OCA2: variants seen among roughly 807,000 people sequenced by gnomAD.
The protein encoded by OCA2 is P protein.
In OCA2, 77 loss-of-function variants were observed where a neutral mutation model predicts 100.2. That is an observed-to-expected ratio of 0.77 (90% CI 0.64 to 0.93). The LOEUF (loss-of-function observed/expected upper bound fraction) is 0.93. OCA2 is among the 40% of genes least tolerant of loss of function. The pLI, the probability that OCA2 is intolerant of heterozygous loss-of-function variation, is 0.00. For missense variants in OCA2, 1,062 were observed against 1,089.1 expected (o/e 0.98, Z 0.35); for synonymous variants, 432 against 439.2 (o/e 0.98, Z 0.21).
intron 2 of OCA2, among the ~76,000 whole-genome samples, chr15:28,036,210 G>C (rs1371136206): frequency 2.0e-5 from 3 of 152,150 alleles, no homozygotes; most frequent in African/African-American, 4.8e-5. Flanking sequence ...GGGGATTTCT[G>C]GTTTTTCACC....
chr15:28,092,946 G>A (rs2044895305), intron 1 of OCA2, among the ~76,000 whole-genome samples: 1 of 151,902 alleles, frequency 6.6e-6, no homozygotes, highest in African/African-American at 2.4e-5. Flanking sequence ...GACAAGGCAA[G>A]AATGTTCCCT....
chr15:28,060,438 A>C (rs2043838254), intron 2 of OCA2, among the ~76,000 whole-genome samples: 1 of 152,190 alleles, frequency 6.6e-6, no homozygotes, highest in Non-Finnish European at 1.5e-5. Context: ...ATCTTCTTGC[A>C]CCCTTGTGGG....
the OCA2 span, among the ~76,000 whole-genome samples, chr15:27,736,696 A>C: frequency 3.3e-5 from 5 of 152,210 alleles, no homozygotes; most frequent in Non-Finnish European, 7.3e-5. Context: ...AAACAGAGTC[A>C]AGTTCCCACC....
chr15:27,992,485 C>T (rs772423030), intron 9 of OCA2, among the ~76,000 whole-genome samples: 20 of 152,242 alleles, frequency 1.3e-4, no homozygotes, highest in Non-Finnish European at 2.8e-4. Flanking sequence ...TCATCCCCAA[C>T]TTGACAGCCA....
At chr15:27,867,448 A>G (rs181736595) in intron 21 of OCA2, among the ~76,000 whole-genome samples, 1 of 152,352 alleles carries the variant, frequency 6.6e-6, no homozygotes, top group African/African-American at 2.4e-5. Flanking sequence ...TTAAAAATCT[A>G]CTTGCATGCT....
At chr15:27,931,773 G>A (rs1200331464) in intron 18 of OCA2, among the ~76,000 whole-genome samples, 1 of 152,222 alleles carries the variant, frequency 6.6e-6, no homozygotes, top group African/African-American at 2.4e-5. Context: ...TGAATACGAT[G>A]TATAGAATTT....
At chr15:27,963,764 C>T (rs2040478886) in intron 15 of OCA2, among the ~76,000 whole-genome samples, 1 of 151,652 alleles carries the variant, frequency 6.6e-6, no homozygotes, top group South Asian at 2.1e-4. Context: ...ATAAAGAGCA[C>T]AATAGACATT....
chr15:27,863,478 C>T (rs150943370), intron 21 of OCA2, among the ~76,000 whole-genome samples: 9 of 152,320 alleles, frequency 5.9e-5, no homozygotes, highest in Non-Finnish European at 1.3e-4. Context: ...GGTCACCCGG[C>T]ACCTTGTCCA....
chr15:28,069,389 TCCCCCTCCCCCTCC>T (rs2044134620), intron 2 of OCA2, among the ~76,000 whole-genome samples: 83 of 5,562 alleles, frequency 0.015, no homozygotes, highest in East Asian at 0.024. Context: ...TCCCTCCCCC[TCCCCCTCCCCCTCC>T]CCTTCCCCCT....
chr15:27,951,598 G>A (rs1461604347), intron 18 of OCA2, among the ~76,000 whole-genome samples, 186 bp downstream of exon 18: 2 of 152,118 alleles, frequency 1.3e-5, no homozygotes, highest in African/African-American at 4.8e-5. Context: ...CCTCCCTCCT[G>A]CCCAGGAAAC....
chr15:27,858,873 C>G (rs528325072), intron 21 of OCA2, among the ~76,000 whole-genome samples: 1 of 151,524 alleles, frequency 6.6e-6, no homozygotes. Flanking sequence ...TAGAATGAAA[C>G]TAGAAATCAG....
chr15:27,857,502 T>A (rs1354475044), intron 21 of OCA2, among the ~76,000 whole-genome samples: 2 of 152,164 alleles, frequency 1.3e-5, no homozygotes, highest in African/African-American at 4.8e-5. Flanking sequence ...TGTACAATAA[T>A]ATAAATTTAC....
At chr15:28,073,156 G>A (rs1211877651) in intron 2 of OCA2, among the ~76,000 whole-genome samples, 1 of 152,198 alleles carries the variant, frequency 6.6e-6, no homozygotes, top group East Asian at 1.9e-4. Flanking sequence ...GCTCACACCT[G>A]TAATCCCAGC....
intron 9 of OCA2, among the ~76,000 whole-genome samples, chr15:28,006,274 C>T (rs1474718440): frequency 2.6e-5 from 4 of 152,212 alleles, no homozygotes; most frequent in African/African-American, 9.7e-5. Flanking sequence ...CCCCCCACCT[C>T]TCATTGGATC....
intron 14 of OCA2, among the ~76,000 whole-genome samples, chr15:27,970,807 C>A (rs922637334): frequency 1.3e-5 from 2 of 152,010 alleles, no homozygotes; most frequent in Non-Finnish European, 2.9e-5. Flanking sequence ...CTGAAGAATA[C>A]CCCAGTACGT....
At chr15:27,952,184 G>T (rs1047951827) in intron 17 of OCA2, among the ~76,000 whole-genome samples, 12 of 152,176 alleles carry the variant, frequency 7.9e-5, no homozygotes, top group Non-Finnish European at 1.5e-5. Context: ...TTCTACAGGG[G>T]CCTATGCTGT....
At chr15:27,810,315 T>C (rs560740691) in intron 23 of OCA2, among the ~76,000 whole-genome samples, 1 of 152,274 alleles carries the variant, frequency 6.6e-6, no homozygotes, top group South Asian at 2.1e-4. Context: ...TGAAGAAGAA[T>C]GAAACTGTAT....
At chr15:28,089,001 C>G (rs958828102) in intron 1 of OCA2, among the ~76,000 whole-genome samples, 1 of 152,198 alleles carries the variant, frequency 6.6e-6, no homozygotes, top group Non-Finnish European at 1.5e-5. Flanking sequence ...CCGTAAAAGA[C>G]AGACGTCCCC....
chr15:28,075,732 A>G (rs1222500095), intron 2 of OCA2, among the ~76,000 whole-genome samples: 1 of 152,254 alleles, frequency 6.6e-6, no homozygotes, highest in Non-Finnish European at 1.5e-5. Context: ...AACTCCACTC[A>G]GCAATAAAAA....
Sources: gnomAD v4.1 joint callset for allele counts (sites outside exome capture counted in the v4.1 genomes callset) on GRCh38, gnomAD v4.1.1 for gene constraint, MANE v1.5 for transcripts, NCBI Gene and HGNC (gene_info 2026-07-23, HGNC 2026-07-21) for gene names.